The following LDLRAD4 variants were observed in gnomAD, a reference collection of about 807,000 sequenced individuals.
The protein encoded by LDLRAD4 is low density lipoprotein receptor class A domain containing 4.
Under a neutral mutation model 17.0 loss-of-function variants are expected in LDLRAD4, and 5 were observed. That is an observed-to-expected ratio of 0.29 (90% CI 0.15 to 0.62). The LOEUF is 0.62. LDLRAD4 is among the 20% of genes least tolerant of loss of function. LDLRAD4 has a pLI of 0.84. For synonymous variants in LDLRAD4, 168 were observed against 171.8 expected, an observed-to-expected ratio of 0.98 and a Z score of 0.17; for missense variants, 340 against 424.7, an observed-to-expected ratio of 0.80 and a Z score of 1.75.
intron 1 of LDLRAD4, among the ~76,000 whole-genome samples, chr18:13,320,093 G>T (rs1351014332): frequency 1.2e-4 from 18 of 152,200 alleles, no homozygotes; most frequent in Admixed American, 1.2e-3. Flanking sequence ...TCCATCCTGA[G>T]ATTTCAACTT....
intron 3 of LDLRAD4, among the ~76,000 whole-genome samples, chr18:13,463,682 G>A (rs1179128430): frequency 6.6e-6 from 1 of 152,108 alleles, no homozygotes; most frequent in East Asian, 1.9e-4. Flanking sequence ...ACCCAACAGC[G>A]TATAGCACCT....
intron 3 of LDLRAD4, among the ~76,000 whole-genome samples, chr18:13,603,525 T>C (rs999202943): frequency 2.6e-5 from 4 of 152,268 alleles, no homozygotes. Context: ...TTAACCTTTC[T>C]GTGCCTCTAT....
At chr18:13,262,361 C>T (rs1371040409) in intron 1 of LDLRAD4, among the ~76,000 whole-genome samples, 18 of 132,884 alleles carry the variant, frequency 1.4e-4, no homozygotes, top group African/African-American at 4.8e-4. Context: ...GGCTGAGTCC[C>T]GTGCGGCCCT....
At chr18:13,635,863 G>A (rs1227618475) in intron 4 of LDLRAD4, among the ~76,000 whole-genome samples, 1 of 152,216 alleles carries the variant, frequency 6.6e-6, no homozygotes, top group African/African-American at 2.4e-5. Context: ...CCAGGGCCAA[G>A]CCAGAGAGGC....
intron 1 of LDLRAD4, among the ~76,000 whole-genome samples, chr18:13,220,368 G>A (rs1027333371): frequency 6.6e-6 from 1 of 152,180 alleles, no homozygotes; most frequent in Non-Finnish European, 1.5e-5. Context: ...CATGGTCCTG[G>A]TTCGTGTAGG....
At position 13,618,482 on chromosome 18, in the gene LDLRAD4, A is replaced by G. The variant is rs1335461469; in HGVS notation, c.182-2635A>G. ...ATGCCCAGAGACTTGTGAAAACATA[A>G]TTTGATTTGCTTTGCTGCAAATGCT... On this transcript the variant is annotated intron_variant, in intron 3 of 5. Coordinates refer to ENST00000359446, the Ensembl canonical transcript of LDLRAD4. Among the ~76,000 whole-genome samples the G allele has an allele frequency of 2.0e-5, 3 of 152,260 alleles. No individual in the cohort carries two copies. In the East Asian group the frequency reaches 5.8e-4, roughly 29 times the overall value.
At chr18:13,240,739 T>C (rs1392478315) in intron 1 of LDLRAD4, 1 of 152,250 alleles carries the variant, frequency 6.6e-6, no homozygotes, top group Non-Finnish European at 1.5e-5. Context: ...GACTCCCCTG[T>C]TTACTTTGAT....
At chr18:13,284,733 C>A (rs1224298146) in intron 1 of LDLRAD4, among the ~76,000 whole-genome samples, 2 of 152,188 alleles carry the variant, frequency 1.3e-5, no homozygotes, top group Non-Finnish European at 2.9e-5. Context: ...GGGCAGTGCA[C>A]CCCAGCACCT....
At chr18:13,334,828 G>T (rs749318054) in intron 1 of LDLRAD4, among the ~76,000 whole-genome samples, 4 of 152,052 alleles carry the variant, frequency 2.6e-5, no homozygotes, top group Admixed American at 1.3e-4. Context: ...ATATTAGCTG[G>T]TTTTTTGTAG....
chr18:13,322,198 T>A (rs2081284832), intron 1 of LDLRAD4, among the ~76,000 whole-genome samples: 1 of 151,882 alleles, frequency 6.6e-6, no homozygotes, highest in South Asian at 2.1e-4. Context: ...TTCTTAATTT[T>A]TTTATGTAAG....
chr18:13,448,332 A>C (rs1247176169), intron 3 of LDLRAD4, among the ~76,000 whole-genome samples: 1 of 151,986 alleles, frequency 6.6e-6, no homozygotes, highest in Non-Finnish European at 1.5e-5. Flanking sequence ...TAGCCTCTTA[A>C]TTTGCAAGGG....
chr18:13,307,266 CG>C (rs1432941562), intron 1 of LDLRAD4, among the ~76,000 whole-genome samples: 6 of 152,250 alleles, frequency 3.9e-5, no homozygotes, highest in African/African-American at 9.6e-5. Flanking sequence ...GTCTCTGCCC[CG>C]CCTGAGACAG....
intron 1 of LDLRAD4, among the ~76,000 whole-genome samples, chr18:13,326,586 C>T (rs1040910564): frequency 5.3e-5 from 8 of 152,136 alleles, no homozygotes; most frequent in Admixed American, 6.5e-5. Context: ...TTATGGGATG[C>T]CAGCAAAGAA....
upstream of LDLRAD4, among the ~76,000 whole-genome samples, chr18:13,273,227 C>T (rs1336609661): frequency 6.6e-6 from 1 of 152,174 alleles, no homozygotes; most frequent in Non-Finnish European, 1.5e-5. Flanking sequence ...ATGTCACCAG[C>T]TGCTCCGTGT....
chr18:13,279,735 G>A (rs1318810127), intron 1 of LDLRAD4: 1 of 152,188 alleles, frequency 6.6e-6, no homozygotes, highest in Non-Finnish European at 1.5e-5. Context: ...ACAGAGCTAC[G>A]TTGCTTCTCC....
chr18:13,394,592 A>C (rs999517533), intron 2 of LDLRAD4, among the ~76,000 whole-genome samples: 2 of 152,216 alleles, frequency 1.3e-5, no homozygotes. Context: ...TTCATTTTCC[A>C]GCTCTTTTTA....
rs191484324 is a variant in LDLRAD4 at position 13,296,057 on chromosome 18, C to T, written c.-383+17869C>T. 5.3e-5 allele frequency among the ~76,000 whole-genome samples: 8 copies of T among 152,362 alleles called. No homozygotes were observed. In the East Asian group the frequency reaches 1.5e-3, roughly 29 times the overall value. On this transcript the variant is annotated intron_variant, in intron 1 of 5. Transcript: ENST00000359446. ...TGGAGGCAGGAGCAGAACCAGCGCT[C>T]TTGCCTCTTCCGTCAAGGGCTCCTG...
At position 13,224,009 on chromosome 18, in the gene LDLRAD4, G is replaced by A. The variant is rs567608905; in HGVS notation, c.-467+5021G>A. Among the ~76,000 whole-genome samples, 408 of 152,266 alleles carry A rather than the reference G, an allele frequency of 2.7e-3. 3 individuals carry two copies. Among genetic ancestry groups the A allele is most frequent in the Middle Eastern group, 0.01 (3 of 294 alleles). On this transcript the variant is annotated intron_variant, in intron 1 of 5. Coordinates refer to the LDLRAD4 transcript ENST00000399848. ...CCATTCTCTTCTTGTCCCCATACAG[G>A]TCCCACTGGGACTCTATCCAGCCAG...
chr18:13,371,714 G>A (rs1299281061), intron 1 of LDLRAD4, among the ~76,000 whole-genome samples: 1 of 151,298 alleles, frequency 6.6e-6, no homozygotes, highest in East Asian at 2.0e-4. Flanking sequence ...GCAGTGAGCC[G>A]AGATCACACC....
Sources: allele counts gnomAD v4.1 joint callset (sites outside exome capture counted in the v4.1 genomes callset), GRCh38; gene constraint gnomAD v4.1.1; transcripts MANE v1.5; gene names NCBI Gene and HGNC (gene_info 2026-07-23, HGNC 2026-07-21).